CD46: variants seen among roughly 807,000 people sequenced by gnomAD.
The protein encoded by CD46 is membrane cofactor protein.
CD46 carries 30 observed loss-of-function variants against 53.3 expected under a neutral mutation model. The ratio of observed to expected loss-of-function variants is 0.56; its 90% CI spans 0.42 to 0.76. The LOEUF is 0.76. Ranked by LOEUF, CD46 falls within the 30% of genes least tolerant of loss-of-function variation. The pLI is 0.00. For synonymous variants in CD46, 142 were observed against 152.0 expected, an observed-to-expected ratio of 0.93 and a Z score of 0.48; for missense variants, 409 against 463.0, an observed-to-expected ratio of 0.88 and a Z score of 1.07.
Position 207,752,242 on chromosome 1 carries a change from C to T in CD46, c.30C>T (p.Pro10=), listed in dbSNP as rs774828839. 1.9e-6 allele frequency: 3 copies of T among 1,613,994 alleles called. No homozygotes were observed. The highest frequency in any genetic ancestry group is 1.7e-5 in the Admixed American group (1 of 60,016). The change falls in exon 1 of 13, where the codon CCC becomes CCT. Residue 10 remains proline (P), a synonymous_variant. Coordinates refer to ENST00000367042, the MANE Select transcript of CD46 (RefSeq NM_172351.3). This position sits in a 1 kb window ranked among gnomAD's most constrained non-coding sequence, Gnocchi z 4.1. MEPPGRREC[P]FPSWRFPGLL... Reference sequence around the variant, plus strand: ...AGCCTCCCGGCCGCCGCGAGTGTCCCTTTCCTTCCTGGCGCTTTCCTGGGT... The same window carrying T: ...AGCCTCCCGGCCGCCGCGAGTGTCCTTTTCCTTCCTGGCGCTTTCCTGGGT...
At position 207,767,106 on chromosome 1, in the gene CD46, G is replaced by A; in HGVS notation, c.767G>A (p.Cys256Tyr). 1 of 1,613,768 alleles carries A rather than the reference G, an allele frequency of 6.2e-7. No individual in the cohort carries two copies. The highest frequency in any genetic ancestry group is 8.5e-7 in the Non-Finnish European group (1 of 1,179,694). The change falls in exon 6 of 13, where the codon TGC (cysteine) becomes TAC (tyrosine). Residue 256 changes from cysteine (C) to tyrosine (Y), a missense_variant. Transcript: ENST00000367042. ...FYYKATVMFECDKGFYLDGSD... is the reference protein window; with the variant it reads ...FYYKATVMFEYDKGFYLDGSD... ...TACAAAGCAACAGTTATGTTTGAAT[G>A]CGATAAGGGTTTTTACCTCGATGGC...
rs768194398 is a variant in CD46 at position 207,790,280 on chromosome 1, A to G, written c.1110A>G (p.Arg370=). The G allele has an allele frequency of 7.5e-6, 12 of 1,598,070 alleles. No individual in the cohort carries two copies. The highest frequency in any genetic ancestry group is 1.0e-5 in the Non-Finnish European group (12 of 1,165,528). ...CATACCTAACTGATGAGACCCACAG[A>G]GAAGTAAAATTTACTTCTCTCTGAG... The part of the protein sequence containing the change: ...KGTYLTDETH[R]EVKFTSL Residue 370 remains arginine (R), a synonymous_variant, in exon 12 of 13, where the codon AGA becomes AGG. Transcript: ENST00000367042.
intron 10 of CD46, 28 bp from the exon 11 acceptor site, chr1:207,785,591 A>G (rs1297981895): frequency 2.0e-6 from 3 of 1,516,250 alleles, no homozygotes; most frequent in South Asian, 2.2e-5. Context: ...TCAGAATTAT[A>G]TGTCATTTGT....
intron 11 of CD46, among the ~76,000 whole-genome samples, 181 bp from the exon 12 acceptor site, chr1:207,790,072 C>T (rs1229518198): frequency 1.3e-5 from 2 of 152,132 alleles, no homozygotes; most frequent in African/African-American, 4.8e-5. Flanking sequence ...CAAGTAGCTT[C>T]TAGCACAAAA....
chr1:207,754,793 C>T (rs1038054864), intron 1 of CD46, among the ~76,000 whole-genome samples: 4 of 151,830 alleles, frequency 2.6e-5, no homozygotes, highest in South Asian at 4.2e-4. Context: ...ATCATTAAAA[C>T]GTTCATTTTG....
In CD46 at chr1:207,754,415, C is replaced by G. The variant is rs561693970; in HGVS notation, c.97+2106C>G. Among the ~76,000 whole-genome samples, 9 of 152,304 alleles carry G rather than the reference C, an allele frequency of 5.9e-5. No individual in the cohort carries two copies. In the East Asian group the frequency reaches 1.7e-3, roughly 29 times the overall value. ...CCCATCTCAGGTTGAACACATACAA[C>G]CCAGTTCAAGTCCCTCTTCACTTGT... On this transcript the variant is annotated intron_variant, in intron 1 of 12. Coordinates refer to ENST00000367042, the MANE Select transcript of CD46 (RefSeq NM_172351.3).
At position 207,765,639 on chromosome 1, in the gene CD46, C is replaced by T. The variant is rs1003398233; in HGVS notation, c.674-1374C>T. ...GCCACTAAATACCTATTGGAAAGGC[C>T]GAAATGTAAACACACACACCCCAAA... On this transcript the variant is annotated intron_variant, in intron 5 of 12. Coordinates refer to ENST00000367042, the MANE Select transcript of CD46 (RefSeq NM_172351.3). Among the ~76,000 whole-genome samples the T allele has an allele frequency of 8.5e-5, 13 of 152,078 alleles. 1 individual carries two copies. Among genetic ancestry groups the T allele is most frequent in the South Asian group, 6.2e-4 (3 of 4,826 alleles).
In CD46 at chr1:207,775,759, C is replaced by G. The variant is rs532398465; in HGVS notation, c.943+5397C>G. ...GCTTCGTCCCAGGTGGGGCACCCAC[C>G]ACCTGTTTGAGGTGTTTGTCGGCCG... is the stretch of plus-strand genomic sequence containing the variant. On this transcript the variant is annotated intron_variant, in intron 8 of 12. Transcript: ENST00000367042. Among the ~76,000 whole-genome samples, 107 of 152,298 alleles carry G rather than the reference C, an allele frequency of 7.0e-4. 2 individuals carry two copies. The highest frequency in any genetic ancestry group is 6.8e-3 in the Middle Eastern group (2 of 294).
At chr1:207,770,180 A>AT in intron 7 of CD46, 141 bp from the exon 8 acceptor site, 2 of 693,882 alleles carry the variant, frequency 2.9e-6, no homozygotes, top group Admixed American at 4.4e-5. Context: ...TGTAGGTTAA[A>AT]TTCTAAGATG....
chr1:207,772,430 A>C (rs1381795329), intron 8 of CD46, among the ~76,000 whole-genome samples: 1 of 152,188 alleles, frequency 6.6e-6, no homozygotes, highest in Non-Finnish European at 1.5e-5. Flanking sequence ...CAGAACTTCC[A>C]ACACTACGTT....
rs121909589 is a variant in CD46, at chr1:207,767,057, T to G, written c.718T>G (p.Ser240Ala). ...AGTAGTCGAAAATGGAAAACAGATATCAGGATTTGGAAAAAAATTTTACTA... is the reference window on the plus strand; with the variant it reads ...AGTAGTCGAAAATGGAAAACAGATAGCAGGATTTGGAAAAAAATTTTACTA... ...FPVVENGKQI[S>A]GFGKKFYYKA... is the part of the protein sequence containing the mutation. Residue 240 changes from serine (S) to alanine (A), a missense_variant, in exon 6 of 13, where the codon TCA becomes GCA. Transcript: ENST00000367042. 2.5e-6 allele frequency: 4 copies of G among 1,613,810 alleles called. No individual in the cohort carries two copies. The highest frequency in any genetic ancestry group is 3.4e-6 in the Non-Finnish European group (4 of 1,179,754).
At chr1:207,762,110 A>G (rs933678488) in intron 5 of CD46, among the ~76,000 whole-genome samples, 3 of 152,258 alleles carry the variant, frequency 2.0e-5, no homozygotes, top group African/African-American at 7.2e-5. Context: ...GCAGAAATCA[A>G]TAACAAAGCC....
At chr1:207,757,812 T>C (rs1277658364) in intron 3 of CD46, among the ~76,000 whole-genome samples, 170 bp downstream of exon 3, 3 of 152,202 alleles carry the variant, frequency 2.0e-5, no homozygotes, top group Middle Eastern at 3.2e-3. Flanking sequence ...ATATAGTAAA[T>C]AGAAAGTAAT....
At chr1:207,790,400 G>T (rs1571702867) in intron 12 of CD46, 55 bp downstream of exon 12, 1 of 864,780 alleles carries the variant, frequency 1.2e-6, no homozygotes, top group East Asian at 2.5e-5. Context: ...AAAATATTCA[G>T]TGGATATATA....
intron 12 of CD46, 106 bp downstream of exon 12, chr1:207,790,451 T>C: frequency 1.5e-6 from 1 of 658,704 alleles, no homozygotes; most frequent in Non-Finnish European, 2.7e-6. Flanking sequence ...GCAGTAAATA[T>C]CAAAGAGGAA....
chr1:207,786,251 C>T (rs909547929), intron 11 of CD46, among the ~76,000 whole-genome samples: 4 of 152,098 alleles, frequency 2.6e-5, no homozygotes, highest in African/African-American at 9.7e-5. Flanking sequence ...CTCTTATGTT[C>T]TCTGAATTTA....
chr1:207,784,207 T>C (rs969029825), intron 9 of CD46, among the ~76,000 whole-genome samples: 7 of 152,122 alleles, frequency 4.6e-5, no homozygotes, highest in Admixed American at 4.6e-4. Flanking sequence ...TAAGATAAAG[T>C]ATTGTTTGTG....
chr1:207,792,371 T>A (rs1183674358), intron 12 of CD46, among the ~76,000 whole-genome samples: 1 of 152,050 alleles, frequency 6.6e-6, no homozygotes, highest in East Asian at 1.9e-4. Flanking sequence ...ATCACAACAG[T>A]CCTTAGGGAA....
In CD46 at chr1:207,776,573, G is replaced by A. The variant is rs140849738; in HGVS notation, c.943+6211G>A. ...AATGTTAAGAATTTTTAAATGATGG[G>A]TGAAAAATAACATCTTGTTTTAATT... is the stretch of plus-strand genomic sequence containing the variant. On this transcript the variant is annotated intron_variant, in intron 8 of 12. Transcript: ENST00000367042. 3.4e-3 allele frequency among the ~76,000 whole-genome samples: 515 copies of A among 152,274 alleles called. 3 individuals carry two copies. The highest frequency in any genetic ancestry group is 0.012 in the African/African-American group (489 of 41,568).
Sources: allele counts gnomAD v4.1 joint callset (sites outside exome capture counted in the v4.1 genomes callset), GRCh38; gene constraint gnomAD v4.1.1; non-coding constraint Gnocchi (gnomAD v3.1); transcripts MANE v1.5; gene names NCBI Gene and HGNC (gene_info 2026-07-23, HGNC 2026-07-21).